The following FGFR2 variants were observed in gnomAD, a reference collection of about 807,000 sequenced individuals.
FGFR2 encodes the protein BEK fibroblast growth factor receptor.
Under a neutral mutation model 95.9 loss-of-function variants are expected in FGFR2, and 19 were observed. The observed-to-expected ratio is 0.20, with a 90% CI of 0.14 to 0.29. The LOEUF is 0.29. FGFR2 is among the 10% of genes least tolerant of loss of function. The probability of loss-of-function intolerance (pLI) is 1.00; values close to 1 mark genes in which losing one functional copy is unlikely to be tolerated. For missense variants in FGFR2, 707 were observed against 1,056.9 expected (o/e 0.67, Z 4.59); for synonymous variants, 392 against 393.3 (o/e 1.00, Z 0.04).
chr10:121,496,434 G>T, intron 13 of FGFR2, 98 bp downstream of exon 13: 1 of 1,142,802 alleles, frequency 8.8e-7, no homozygotes, highest in Non-Finnish European at 1.3e-6. Flanking sequence ...GACATGCGAG[G>T]GCTTGATCTA....
chr10:121,567,509 C>A lies in FGFR2; in HGVS notation c.110-1805G>T, dbSNP rs569345928. On this transcript the variant is annotated intron_variant, in intron 2 of 17. Transcript: ENST00000358487. ...TACAACAAGCCTATTCTGGAAGCTC[C>A]GCAGCAAGAGGAGACAAGATAAAGA... Among the ~76,000 whole-genome samples the A allele has an allele frequency of 5.3e-5, 8 of 152,298 alleles. No homozygotes were observed. The South Asian group carries it at 1.7e-3, about 32-fold the overall frequency.
chr10:121,519,121 G>A (rs1434970108), intron 7 of FGFR2, among the ~76,000 whole-genome samples: 1 of 152,172 alleles, frequency 6.6e-6, no homozygotes, highest in African/African-American at 2.4e-5. Context: ...TAGCTGGTGA[G>A]AACACTTCAT....
intron 2 of FGFR2, among the ~76,000 whole-genome samples, chr10:121,581,102 T>C (rs994260142): frequency 1.3e-5 from 2 of 152,138 alleles, no homozygotes; most frequent in Non-Finnish European, 2.9e-5. Flanking sequence ...AGAAAAGAGA[T>C]AGGAAGCAGG....
At chr10:121,534,022 T>A (rs1852451728) in intron 6 of FGFR2, among the ~76,000 whole-genome samples, 1 of 148,970 alleles carries the variant, frequency 6.7e-6, no homozygotes, top group African/African-American at 2.5e-5. Flanking sequence ...ACAGCATTAA[T>A]CAAAGGTGGA....
chr10:121,535,430 C>T (rs1306971665), intron 6 of FGFR2, among the ~76,000 whole-genome samples: 1 of 152,226 alleles, frequency 6.6e-6, no homozygotes, highest in South Asian at 2.1e-4. Context: ...GACAAACCTG[C>T]TGTTCATTCC....
At chr10:121,506,357 C>A (rs868122141) in intron 9 of FGFR2, among the ~76,000 whole-genome samples, 178 of 101,076 alleles carry the variant, frequency 1.8e-3, no homozygotes, top group Admixed American at 2.3e-3. Context: ...GACTCCGTCT[C>A]AAAAAAAAAA....
At chr10:121,580,143 T>C (rs1276774970) in intron 2 of FGFR2, among the ~76,000 whole-genome samples, 1 of 152,162 alleles carries the variant, frequency 6.6e-6, no homozygotes, top group Non-Finnish European at 1.5e-5. Context: ...GAAATACTTT[T>C]AAAGTGGCCA....
At chr10:121,505,145 G>A (rs1848111285) in intron 9 of FGFR2, among the ~76,000 whole-genome samples, 1 of 152,162 alleles carries the variant, frequency 6.6e-6, no homozygotes, top group Admixed American at 6.5e-5. Flanking sequence ...CACAGGGTGG[G>A]TCCTGGGCTC....
intron 2 of FGFR2, among the ~76,000 whole-genome samples, chr10:121,585,662 G>C (rs750043539): frequency 4.6e-5 from 7 of 152,190 alleles, no homozygotes; most frequent in Non-Finnish European, 1.0e-4. Context: ...TATGTCTCCA[G>C]AAAGCATACC....
At chr10:121,501,187 T>C (rs548445701) in intron 10 of FGFR2, among the ~76,000 whole-genome samples, 1 of 152,330 alleles carries the variant, frequency 6.6e-6, no homozygotes, top group South Asian at 2.1e-4. Flanking sequence ...CGGTTTATTT[T>C]CTTTAGGGAA....
At chr10:121,591,545 G>C (rs370304410) in intron 2 of FGFR2, among the ~76,000 whole-genome samples, 3 of 152,194 alleles carry the variant, frequency 2.0e-5, no homozygotes, top group African/African-American at 7.2e-5. Context: ...TATTAATGAA[G>C]AGACCCTAAA....
intron 4 of FGFR2, among the ~76,000 whole-genome samples, chr10:121,553,519 C>A (rs1433001863): frequency 6.6e-6 from 1 of 152,160 alleles, no homozygotes; most frequent in East Asian, 1.9e-4. Flanking sequence ...AAAAAGAAAC[C>A]ATTGAGAGCA....
At chr10:121,483,237 T>C (rs1844991767) in intron 17 of FGFR2, among the ~76,000 whole-genome samples, 1 of 152,200 alleles carries the variant, frequency 6.6e-6, no homozygotes, top group South Asian at 2.1e-4. Flanking sequence ...TCACATAGGA[T>C]AGTACTGTGG....
intron 4 of FGFR2, among the ~76,000 whole-genome samples, chr10:121,557,504 T>C (rs1450331739): frequency 7.9e-5 from 12 of 152,008 alleles, no homozygotes; most frequent in Admixed American, 7.9e-4. Flanking sequence ...GATGCGGTCT[T>C]GCTATGCTCC....
intron 1 of FGFR2, among the ~76,000 whole-genome samples, chr10:121,596,885 T>G (rs893893386): frequency 6.6e-6 from 1 of 151,782 alleles, no homozygotes; most frequent in Non-Finnish European, 1.5e-5. Context: ...GAGGGGCGCC[T>G]GATTGCTTTT....
chr10:121,493,156 T>G (rs1846353030), intron 13 of FGFR2, among the ~76,000 whole-genome samples: 1 of 152,214 alleles, frequency 6.6e-6, no homozygotes, highest in Non-Finnish European at 1.5e-5. Flanking sequence ...CGGGTTGTTC[T>G]GAGGGCTACG....
chr10:121,478,880 G>T lies in FGFR2; in HGVS notation c.*977C>A. On this transcript the variant is annotated 3_prime_UTR_variant, in exon 18 of 18. Coordinates refer to ENST00000358487, the MANE Select transcript of FGFR2 (RefSeq NM_000141.5). ...GTCTGTCCTCAAGGAATGGATTAAG[G>T]CATCTTTTAAGAGGACGCTGGTACC... 1 of 233,550 alleles carries T rather than the reference G, an allele frequency of 4.3e-6. No homozygotes were observed. The highest frequency in any genetic ancestry group is 1.3e-3 in the Middle Eastern group (1 of 786). The allele number at this position is 233,550 out of a possible 1,614,324, so 14.5% of individuals were successfully genotyped here. A position where few individuals can be genotyped will look rare whatever the true frequency, so the allele number is the denominator to read the frequency against.
chr10:121,584,023 C>T (rs1200981251), intron 2 of FGFR2, among the ~76,000 whole-genome samples: 1 of 151,968 alleles, frequency 6.6e-6, no homozygotes, highest in African/African-American at 2.4e-5. Context: ...AGCCAGTTAT[C>T]ATCATCACCA....
rs577003956 is a variant in FGFR2, at chr10:121,594,106, C to G, written c.-150-139G>C. On this transcript the variant is annotated intron_variant, in intron 1 of 17. Transcript: ENST00000358487. ...TTCATTATCTGCTAAATCCTTCCATCCTCACCTCAGAGTCCCAGGTGATAC... is the reference window on the plus strand; with the variant it reads ...TTCATTATCTGCTAAATCCTTCCATGCTCACCTCAGAGTCCCAGGTGATAC... 22 of 532,344 alleles carry G rather than the reference C, an allele frequency of 4.1e-5. No homozygotes were observed. The South Asian group carries it at 4.4e-4, about 11-fold the overall frequency. The allele number at this position is 532,344 out of a possible 1,614,324, so 33.0% of individuals were successfully genotyped here.
Sources: gnomAD v4.1 joint callset for allele counts (sites outside exome capture counted in the v4.1 genomes callset) on GRCh38, gnomAD v4.1.1 for gene constraint, MANE v1.5 for transcripts, NCBI Gene and HGNC (gene_info 2026-07-23, HGNC 2026-07-21) for gene names.